Variants in TMEM50B observed in about 807,000 individuals in gnomAD.
TMEM50B encodes transmembrane protein 50B.
In TMEM50B, 14 loss-of-function variants were observed where a neutral mutation model predicts 23.4. The observed-to-expected ratio is 0.60, with a 90% CI of 0.39 to 0.93. The LOEUF is 0.93. Among genes scored for constraint, TMEM50B ranks in the 40% least tolerant of loss-of-function variants. The pLI, the probability that TMEM50B is intolerant of heterozygous loss-of-function variation, is 0.00. For synonymous variants in TMEM50B, 64 were observed against 62.3 expected (o/e 1.03, Z -0.13); for missense variants, 159 against 193.0 (o/e 0.82, Z 1.04).
chr21:33,476,197 C>T (rs2123464731), intron 1 of TMEM50B, among the ~76,000 whole-genome samples: 1 of 152,134 alleles, frequency 6.6e-6, no homozygotes, highest in East Asian at 1.9e-4. Flanking sequence ...AGTTCAAGAC[C>T]AGCCTGACAA....
At chr21:33,451,182 C>G (rs2084116570) in intron 6 of TMEM50B, among the ~76,000 whole-genome samples, 1 of 152,068 alleles carries the variant, frequency 6.6e-6, no homozygotes, top group South Asian at 2.1e-4. Context: ...GGAGAGAGAC[C>G]ATTCTCATAG....
downstream of TMEM50B, among the ~76,000 whole-genome samples, chr21:33,445,528 C>T (rs968745651): frequency 1.4e-4 from 21 of 152,266 alleles, no homozygotes; most frequent in African/African-American, 4.8e-4. Context: ...ATGCCGGGCA[C>T]GGCGCCTGTA....
chr21:33,464,106 G>C (rs143999913), intron 4 of TMEM50B, among the ~76,000 whole-genome samples: 2 of 151,988 alleles, frequency 1.3e-5, no homozygotes, highest in African/African-American at 4.8e-5. Flanking sequence ...GACTGTCCAT[G>C]TTCAATCCTG....
At chr21:33,471,762 G>A (rs968264928) in intron 1 of TMEM50B, among the ~76,000 whole-genome samples, 2 of 152,150 alleles carry the variant, frequency 1.3e-5, no homozygotes, top group Non-Finnish European at 2.9e-5. Context: ...GGGGCTGGGC[G>A]CAGTGGCTCA....
At chr21:33,470,674 T>C (rs1157853205) in intron 1 of TMEM50B, among the ~76,000 whole-genome samples, 2 of 152,064 alleles carry the variant, frequency 1.3e-5, no homozygotes, top group African/African-American at 4.8e-5. Context: ...GAGGCGGGGC[T>C]TGCAGTGAGC....
chr21:33,433,887 T>A (rs2123374159), intron 8 of TMEM50B, among the ~76,000 whole-genome samples: 1 of 152,154 alleles, frequency 6.6e-6, no homozygotes, highest in East Asian at 1.9e-4. Flanking sequence ...TCTCCTCTGC[T>A]GTCTGGAGAA....
intron 8 of TMEM50B, chr21:33,432,813 G>A: frequency 1.2e-6 from 2 of 1,613,838 alleles, no homozygotes; most frequent in Non-Finnish European, 1.7e-6. Context: ...CTGAAATATA[G>A]AGGCCTGATT....
chr21:33,447,302 A>G (rs1322695245), downstream of TMEM50B, among the ~76,000 whole-genome samples: 1 of 151,974 alleles, frequency 6.6e-6, no homozygotes, highest in Admixed American at 6.6e-5. Flanking sequence ...GTGCAACTAA[A>G]TCTAAAAAGG....
In TMEM50B at chr21:33,470,153, T is replaced by G. The variant is rs145252659; in HGVS notation, c.-41-1227A>C. Among the ~76,000 whole-genome samples the G allele has an allele frequency of 1.1e-4, 17 of 151,808 alleles. No individual in the cohort carries two copies. In the East Asian group the frequency reaches 3.1e-3, roughly 28 times the overall value. On this transcript the variant is annotated intron_variant, in intron 1 of 6. Transcript: ENST00000542230. ...ACAGGGCTGAAAAACAGGCAGAAAT[T>G]GAAAGAAACTTCATCCTTGAAAGAA...
chr21:33,475,285 T>C (rs2084358179), intron 1 of TMEM50B, among the ~76,000 whole-genome samples: 1 of 152,178 alleles, frequency 6.6e-6, no homozygotes, highest in South Asian at 2.1e-4. Context: ...ATAGTATTCT[T>C]TAAATTATAC....
At chr21:33,444,040 A>G (rs1188130885) in intron 7 of TMEM50B, among the ~76,000 whole-genome samples, 1 of 152,090 alleles carries the variant, frequency 6.6e-6, no homozygotes, top group Non-Finnish European at 1.5e-5. Flanking sequence ...AGCTGGGATT[A>G]TAGGCACCTG....
At chr21:33,471,828 G>A (rs920296619) in intron 1 of TMEM50B, among the ~76,000 whole-genome samples, 1 of 152,050 alleles carries the variant, frequency 6.6e-6, no homozygotes, top group Non-Finnish European at 1.5e-5. Context: ...GAGGTCAGGA[G>A]ATCGAGACCA....
chr21:33,465,604 C>A (rs554619513), intron 3 of TMEM50B, among the ~76,000 whole-genome samples, 195 bp from the exon 4 acceptor site: 1 of 152,060 alleles, frequency 6.6e-6, no homozygotes, highest in African/African-American at 2.4e-5. Flanking sequence ...TAAAGTACAC[C>A]CAGAAAACAC....
At chr21:33,444,073 G>C (rs1053019977) in intron 7 of TMEM50B, among the ~76,000 whole-genome samples, 2 of 152,102 alleles carry the variant, frequency 1.3e-5, no homozygotes, top group Admixed American at 6.6e-5. Flanking sequence ...GCTAATTTTT[G>C]TATTTTTAGT....
chr21:33,451,636 A>G (rs769504065), intron 6 of TMEM50B, among the ~76,000 whole-genome samples: 4 of 152,138 alleles, frequency 2.6e-5, no homozygotes, highest in Non-Finnish European at 5.9e-5. Context: ...CTCCAGGGCC[A>G]TGAGTTGAGC....
chr21:33,474,807 TAAATAAATA>T (rs2084352348), intron 1 of TMEM50B, among the ~76,000 whole-genome samples: 2 of 69,868 alleles, frequency 2.9e-5, no homozygotes, highest in African/African-American at 4.2e-5. Flanking sequence ...TAAAAATAAA[TAAATAAATA>T]AAATAAAATA....
chr21:33,455,131 AAT>A (rs2084157958), intron 6 of TMEM50B, among the ~76,000 whole-genome samples: 1 of 152,070 alleles, frequency 6.6e-6, no homozygotes, highest in Admixed American at 6.6e-5. Flanking sequence ...AAAATAAATA[AAT>A]AAATAAAAAT....
intron 1 of TMEM50B, among the ~76,000 whole-genome samples, chr21:33,472,637 G>A (rs1048585914): frequency 2.0e-5 from 3 of 152,048 alleles, no homozygotes; most frequent in Non-Finnish European, 4.4e-5. Context: ...AGCACTTTGG[G>A]AGGCTGAGGC....
chr21:33,463,880 T>A (rs2084239581), intron 4 of TMEM50B, among the ~76,000 whole-genome samples: 1 of 152,146 alleles, frequency 6.6e-6, no homozygotes, highest in South Asian at 2.1e-4. Flanking sequence ...ATCATGCCAC[T>A]GCACTCCAGC....
Sources: allele counts gnomAD v4.1 joint callset (sites outside exome capture counted in the v4.1 genomes callset), GRCh38; gene constraint gnomAD v4.1.1; transcripts MANE v1.5; gene names NCBI Gene and HGNC (gene_info 2026-07-23, HGNC 2026-07-21).